MACROD2: variants seen among roughly 807,000 people sequenced by gnomAD.
MACROD2 encodes ADP-ribose glycohydrolase MACROD2.
Under a neutral mutation model 70.4 loss-of-function variants are expected in MACROD2, and 36 were observed. The ratio of observed to expected loss-of-function variants is 0.51; its 90% CI spans 0.39 to 0.68. The LOEUF (loss-of-function observed/expected upper bound fraction) is 0.68. Ranked by LOEUF, MACROD2 falls within the 30% of genes least tolerant of loss-of-function variation. The pLI is 0.00. For missense variants in MACROD2, 496 were observed against 538.4 expected (o/e 0.92, Z 0.78); for synonymous variants, 172 against 178.8 (o/e 0.96, Z 0.30).
At chr20:16,036,377 G>A (rs1487542169) in intron 15 of MACROD2, among the ~76,000 whole-genome samples, 5 of 151,760 alleles carry the variant, frequency 3.3e-5, no homozygotes, top group Non-Finnish European at 7.4e-5. Context: ...GATGACATCT[G>A]CCTCATTTAT....
chr20:15,451,183 G>A (rs2046635986), intron 7 of MACROD2, among the ~76,000 whole-genome samples: 1 of 151,956 alleles, frequency 6.6e-6, no homozygotes, highest in Admixed American at 6.6e-5. Flanking sequence ...CCCGTGATTA[G>A]CATGTTCTGA....
chr20:15,711,842 T>C (rs1168678688), intron 8 of MACROD2, among the ~76,000 whole-genome samples: 3 of 152,200 alleles, frequency 2.0e-5, no homozygotes, highest in African/African-American at 7.2e-5. Context: ...GTGTTACTGA[T>C]TAAGAGAGAG....
chr20:14,085,704 G>T lies in MACROD2; in HGVS notation c.247G>T (p.Glu83Ter). ...CTATAGAGGTGACATCACATTGCTA[G>T]AGGTAGATGCTATAGTCAATGCCGG... is the stretch of plus-strand genomic sequence containing the variant. ...SLYRGDITLL[E>*]VDAIVNAANA... is the part of the protein sequence containing the mutation. The change falls in exon 3 of 18, where the codon GAG (glutamate) becomes TAG (stop). Residue 83 changes from glutamate to a stop codon, truncating the protein, a stop_gained. Coordinates refer to ENST00000684519, the MANE Select transcript of MACROD2 (RefSeq NM_001351661.2). LOFTEE classifies it high-confidence loss of function. 6.4e-7 allele frequency: 1 copy of T among 1,561,966 alleles called. No homozygotes were observed. Among genetic ancestry groups the T allele is most frequent in the Non-Finnish European group, 8.7e-7 (1 of 1,153,256 alleles).
At chr20:14,592,282 T>C (rs867257330) in intron 4 of MACROD2, among the ~76,000 whole-genome samples, 1 of 152,206 alleles carries the variant, frequency 6.6e-6, no homozygotes, top group African/African-American at 2.4e-5. Context: ...ATCTGTAAGC[T>C]AGATTGGAAG....
chr20:14,171,952 T>G (rs545306005), intron 3 of MACROD2, among the ~76,000 whole-genome samples: 1 of 152,326 alleles, frequency 6.6e-6, no homozygotes, highest in Non-Finnish European at 1.5e-5. Context: ...CCCACAGTAT[T>G]ATTGTGTTGC....
chr20:15,237,120 C>T (rs1027923659), intron 6 of MACROD2, among the ~76,000 whole-genome samples: 3 of 152,140 alleles, frequency 2.0e-5, no homozygotes, highest in Admixed American at 6.5e-5. Context: ...AATGTTTTAA[C>T]GTTTTGCCAG....
At chr20:15,303,650 A>G (rs1402471731) in intron 6 of MACROD2, among the ~76,000 whole-genome samples, 1 of 152,220 alleles carries the variant, frequency 6.6e-6, no homozygotes, top group Admixed American at 6.5e-5. Context: ...TAAAACAATA[A>G]CAGAATCATG....
At chr20:14,592,787 T>C (rs1022991834) in intron 4 of MACROD2, among the ~76,000 whole-genome samples, 10 of 152,166 alleles carry the variant, frequency 6.6e-5, no homozygotes, top group African/African-American at 2.2e-4. Flanking sequence ...TAAAAGAAAA[T>C]ATTTCATTTT....
chr20:15,665,057 A>G (rs757454251), intron 8 of MACROD2, among the ~76,000 whole-genome samples: 1 of 152,194 alleles, frequency 6.6e-6, no homozygotes, highest in African/African-American at 2.4e-5. Context: ...TGCTAGGCAG[A>G]TGCCAAAGGT....
chr20:14,344,260 T>A (rs886703957), intron 3 of MACROD2, among the ~76,000 whole-genome samples: 1 of 152,224 alleles, frequency 6.6e-6, no homozygotes, highest in African/African-American at 2.4e-5. Context: ...CCTTGGGAAC[T>A]GATATGAACT....
In MACROD2 at chr20:15,735,703, T is replaced by C. The variant is rs146121474; in HGVS notation, c.646-127042T>C. On this transcript the variant is annotated intron_variant, in intron 8 of 17. Transcript: ENST00000684519. ...AAGAATTGCAGTGCATGTTTCCATT[T>C]CCTATCTTTGACTATATATTTGTTT... 7.8e-3 allele frequency among the ~76,000 whole-genome samples: 1,195 copies of C among 152,310 alleles called. 12 individuals carry two copies. The highest frequency in any genetic ancestry group is 0.012 in the Non-Finnish European group (812 of 68,016).
chr20:15,671,928 A>C (rs908825972), intron 8 of MACROD2, among the ~76,000 whole-genome samples: 3 of 152,194 alleles, frequency 2.0e-5, no homozygotes, highest in African/African-American at 7.2e-5. Flanking sequence ...ATCAACTGAA[A>C]ATATTGTCCC....
chr20:15,265,510 G>T (rs983642481), intron 6 of MACROD2, among the ~76,000 whole-genome samples: 3 of 152,122 alleles, frequency 2.0e-5, no homozygotes, highest in Non-Finnish European at 4.4e-5. Context: ...TAAGAGCAGG[G>T]TGTTATCATG....
intron 3 of MACROD2, among the ~76,000 whole-genome samples, chr20:14,338,919 G>T (rs1168955987): frequency 6.6e-6 from 1 of 152,150 alleles, no homozygotes; most frequent in Admixed American, 6.5e-5. Flanking sequence ...CATGTTGGTG[G>T]TAAGAACTTA....
At chr20:14,649,532 G>A (rs556195641) in intron 4 of MACROD2, among the ~76,000 whole-genome samples, 1 of 152,232 alleles carries the variant, frequency 6.6e-6, no homozygotes, top group Non-Finnish European at 1.5e-5. Flanking sequence ...GGCTGCAAAG[G>A]GGATCCAAGA....
intron 6 of MACROD2, among the ~76,000 whole-genome samples, chr20:15,290,983 T>A (rs116561560): frequency 0.014 from 2,061 of 152,034 alleles, 50 homozygotes; most frequent in African/African-American, 0.045. Context: ...ATAGGCTAAG[T>A]GTGGGGTGCT....
intron 5 of MACROD2, among the ~76,000 whole-genome samples, chr20:14,731,369 C>T (rs2071595138): frequency 6.6e-6 from 1 of 152,110 alleles, no homozygotes; most frequent in Non-Finnish European, 1.5e-5. Context: ...GTCACCGAAT[C>T]TACTTTTCTA....
At chr20:15,476,320 T>G (rs146329153) in intron 7 of MACROD2, among the ~76,000 whole-genome samples, 105 of 152,342 alleles carry the variant, frequency 6.9e-4, no homozygotes, top group Non-Finnish European at 1.4e-3. Flanking sequence ...TTTTGTGACA[T>G]ATCACTCTTT....
At chr20:15,053,339 C>T (rs933149051) in intron 5 of MACROD2, among the ~76,000 whole-genome samples, 14 of 152,192 alleles carry the variant, frequency 9.2e-5, no homozygotes, top group African/African-American at 3.1e-4. Context: ...GGCCTCAAAG[C>T]TTCAAAGGGC....
Sources: allele counts gnomAD v4.1 joint callset (sites outside exome capture counted in the v4.1 genomes callset), GRCh38; gene constraint gnomAD v4.1.1; transcripts MANE v1.5; gene names NCBI Gene and HGNC (gene_info 2026-07-23, HGNC 2026-07-21).